The following CSNK1D variants were observed in gnomAD, a reference collection of about 807,000 sequenced individuals.
The protein encoded by CSNK1D is casein kinase 1 delta.
A neutral mutation model predicts 46.6 loss-of-function variants in CSNK1D; 16 were observed. The ratio of observed to expected loss-of-function variants is 0.34; its 90% CI spans 0.23 to 0.52. The LOEUF is 0.52. CSNK1D is among the 20% of genes least tolerant of loss of function. The pLI is 0.95. For synonymous variants in CSNK1D, 276 were observed against 228.2 expected (o/e 1.21, Z -1.89); for missense variants, 398 against 578.4 (o/e 0.69, Z 3.20).
Position 82,252,390 on chromosome 17 carries a change from C to T in CSNK1D, c.736+44G>A. On this transcript the variant is annotated intron_variant, in intron 5 of 8. Coordinates refer to ENST00000314028, the MANE Select transcript of CSNK1D (RefSeq NM_001893.6). This position sits in a 1 kb window ranked among gnomAD's most constrained non-coding sequence, Gnocchi z 4.6. ...CTCGGCACACCCGACACATATGCAA[C>T]CCCTGTGAGCAGCTCCGCTGAGAAG... is the stretch of plus-strand genomic sequence containing the variant. The T allele has an allele frequency of 1.2e-6, 2 of 1,610,298 alleles. No homozygotes were observed. Among genetic ancestry groups the T allele is most frequent in the Non-Finnish European group, 1.7e-6 (2 of 1,176,812 alleles).
chr17:82,253,551 T>G (rs1477892059), intron 3 of CSNK1D: 9 of 403,682 alleles, frequency 2.2e-5, no homozygotes. Flanking sequence ...CACTGTTCTC[T>G]GCACAGACTA....
In CSNK1D at chr17:82,251,827, G is replaced by GGAA; in HGVS notation, c.737-301_737-300insTTC. On this transcript the variant is annotated intron_variant, in intron 5 of 8. Transcript: ENST00000314028. The surrounding 1 kb of genome is among the most constrained non-coding windows in gnomAD (Gnocchi z 4.5). ...AACACAGTGAAACCCCATCTCTACTGAAAAAAAAAAAAAAAAAGTTCTAGA... is the reference window on the plus strand; with the variant it reads ...AACACAGTGAAACCCCATCTCTACTGGAAAAAAAAAAAAAAAAAAAGTTCTAGA... 1.1e-5 allele frequency: 3 copies of GGAA among 267,246 alleles called. No homozygotes were observed. Among genetic ancestry groups the GGAA allele is most frequent in the South Asian group, 9.5e-5 (3 of 31,522 alleles). 16.6% of individuals were successfully genotyped at this position (267,246 alleles called of 1,614,324 possible). A position where few individuals can be genotyped will look rare whatever the true frequency, so the allele number is the denominator to read the frequency against.
At chr17:82,246,231 C>A in intron 8 of CSNK1D, 1 of 1,494,350 alleles carries the variant, frequency 6.7e-7, no homozygotes, top group Non-Finnish European at 8.9e-7. Flanking sequence ...AGAGTGGTGC[C>A]CACTCCTCTT....
At chr17:82,245,802 G>A (rs1452925871) in intron 8 of CSNK1D, among the ~76,000 whole-genome samples, 1 of 152,212 alleles carries the variant, frequency 6.6e-6, no homozygotes, top group Non-Finnish European at 1.5e-5. Context: ...CCAAGACTGG[G>A]CAGCGGACTG....
chr17:82,270,592 T>C (rs1374282015), intron 1 of CSNK1D, among the ~76,000 whole-genome samples: 1 of 152,202 alleles, frequency 6.6e-6, no homozygotes. Context: ...ATCCATCTCA[T>C]AGTCTTCAGA....
chr17:82,245,793 C>A (rs1305025341), intron 8 of CSNK1D, among the ~76,000 whole-genome samples: 1 of 152,242 alleles, frequency 6.6e-6, no homozygotes, highest in Non-Finnish European at 1.5e-5. Context: ...AGCCTCCCCC[C>A]AAGACTGGGC....
At chr17:82,245,829 C>A in intron 8 of CSNK1D, 1 of 845,576 alleles carries the variant, frequency 1.2e-6, no homozygotes, top group Non-Finnish European at 1.9e-6. Flanking sequence ...CTCTGCACCC[C>A]ACAAGAAGAA....
chr17:82,255,052 T>C lies in CSNK1D; in HGVS notation c.336+377A>G, dbSNP rs1441894757. 2.8e-6 allele frequency: 1 copy of C among 359,250 alleles called. No homozygotes were observed. The highest frequency in any genetic ancestry group is 5.2e-6 in the Non-Finnish European group (1 of 192,274). 22.3% of individuals were successfully genotyped at this position (359,250 alleles called of 1,614,324 possible). ...AGCCGTCGGAGCCTCGAGAAGCCAG[T>C]GAGCTGAGCCGCCGGAGCCTCGAGA... On this transcript the variant is annotated intron_variant, in intron 3 of 8. Transcript: ENST00000314028. This position sits in a 1 kb window ranked among gnomAD's most constrained non-coding sequence, Gnocchi z 5.9.
At chr17:82,246,025 G>A (rs138754687) in intron 8 of CSNK1D, 78 of 1,610,048 alleles carry the variant, frequency 4.8e-5, no homozygotes, top group Non-Finnish European at 6.4e-5. Context: ...CGTGGTGTTC[G>A]AAAGGAATGC....
chr17:82,246,077 G>A (rs763347373), intron 8 of CSNK1D: 19 of 1,588,714 alleles, frequency 1.2e-5, no homozygotes, highest in African/African-American at 5.4e-5. Flanking sequence ...TAAGCGTCCC[G>A]CTGGCCCCCT....
chr17:82,273,406 T>A lies in CSNK1D; in HGVS notation c.-25A>T, dbSNP rs771595041. ...TGGCGGCGGCGGCCCGATTCGCTCC[T>A]GCCCTCCCGGCCGCTTCCTGGGTCT... is the stretch of plus-strand genomic sequence containing the variant. On this transcript the variant is annotated 5_prime_UTR_variant, in exon 1 of 9. Coordinates refer to ENST00000314028, the MANE Select transcript of CSNK1D (RefSeq NM_001893.6). The surrounding 1 kb of genome is among the most constrained non-coding windows in gnomAD (Gnocchi z 5.1). 5.0e-6 allele frequency: 8 copies of A among 1,609,772 alleles called. No individual in the cohort carries two copies. Among genetic ancestry groups the A allele is most frequent in the Non-Finnish European group, 5.1e-6 (6 of 1,179,056 alleles).
At chr17:82,242,162 C>G (rs2050749151), downstream of CSNK1D, among the ~76,000 whole-genome samples, 1 of 149,226 alleles carries the variant, frequency 6.7e-6, no homozygotes, top group Non-Finnish European at 1.5e-5. Context: ...CCTGCTCTGG[C>G]AGCCTGACAG....
chr17:82,241,608 G>T (rs2050742634), downstream of CSNK1D, among the ~76,000 whole-genome samples: 1 of 152,238 alleles, frequency 6.6e-6, no homozygotes, highest in Non-Finnish European at 1.5e-5. Context: ...CCGTTTTCCG[G>T]TTGGGGCCGG....
intron 1 of CSNK1D, among the ~76,000 whole-genome samples, chr17:82,267,460 T>C (rs994693587): frequency 6.6e-6 from 1 of 152,140 alleles, no homozygotes; most frequent in African/African-American, 2.4e-5. Context: ...ACTTCCAGCC[T>C]GGGCCCCAAA....
Position 82,243,971 on chromosome 17 carries a change from C to T in CSNK1D, c.*810G>A, listed in dbSNP as rs563821512. ...CTGCCCACCTCCTGGGGAAGAAGCG[C>T]GCAGTGCTTTGCCTGGTAACACCCA... is the stretch of plus-strand genomic sequence containing the variant. On this transcript the variant is annotated 3_prime_UTR_variant, in exon 9 of 9. Coordinates refer to ENST00000314028, the MANE Select transcript of CSNK1D (RefSeq NM_001893.6). 6.3e-5 allele frequency: 62 copies of T among 985,982 alleles called. No homozygotes were observed. The East Asian group carries it at 6.8e-4, about 11-fold the overall frequency. The allele number at this position is 985,982 out of a possible 1,614,324, so 61.1% of individuals were successfully genotyped here.
downstream of CSNK1D, chr17:82,240,231 T>G (rs1046867205): frequency 4.7e-6 from 2 of 428,828 alleles, no homozygotes; most frequent in Non-Finnish European, 7.9e-6. Context: ...TGCCAGCAGT[T>G]GCAGGGATCA....
At chr17:82,239,985 G>GC, downstream of CSNK1D, 4 of 1,233,584 alleles carry the variant, frequency 3.2e-6, no homozygotes, top group Non-Finnish European at 4.0e-6. Context: ...CTCAGTAGGT[G>GC]CGTCGTGGGC....
At position 82,273,577 on chromosome 17, in the gene CSNK1D, C is replaced by A. The variant is rs985809277; in HGVS notation, c.-196G>T. ...TACGGGGCGGATGGGACAGTCCGAG[C>A]GCCGCCGCCGCTGCTCCGGCCCCTA... On this transcript the variant is annotated 5_prime_UTR_variant, in exon 1 of 9. Coordinates refer to ENST00000314028, the MANE Select transcript of CSNK1D (RefSeq NM_001893.6). This position sits in a 1 kb window ranked among gnomAD's most constrained non-coding sequence, Gnocchi z 5.1. The A allele has an allele frequency of 1.6e-6, 1 of 624,106 alleles. No individual in the cohort carries two copies. The highest frequency in any genetic ancestry group is 2.7e-6 in the Non-Finnish European group (1 of 370,332). 38.7% of individuals were successfully genotyped at this position (624,106 alleles called of 1,614,324 possible). A position where few individuals can be genotyped will look rare whatever the true frequency, so the allele number is the denominator to read the frequency against.
At chr17:82,239,864 C>G, downstream of CSNK1D, 3 of 565,890 alleles carry the variant, frequency 5.3e-6, no homozygotes, top group African/African-American at 1.9e-5. Flanking sequence ...CCCTGTCCTC[C>G]ATCCAGCCCG....
Sources: gnomAD v4.1 joint callset for allele counts (sites outside exome capture counted in the v4.1 genomes callset) on GRCh38, gnomAD v4.1.1 for gene constraint, Gnocchi (gnomAD v3.1) non-coding constraint, MANE v1.5 for transcripts, NCBI Gene and HGNC (gene_info 2026-07-23, HGNC 2026-07-21) for gene names.